FAT3: variants seen among roughly 807,000 people sequenced by gnomAD.
FAT3 encodes FAT atypical cadherin 3.
A neutral mutation model predicts 310.2 loss-of-function variants in FAT3; 95 were observed. The ratio of observed to expected loss-of-function variants is 0.31; its 90% CI spans 0.26 to 0.36. FAT3 has a LOEUF of 0.36. FAT3 is among the 10% of genes least tolerant of loss of function. FAT3 has a pLI of 1.00. For missense variants in FAT3, 5,408 were observed against 5,715.6 expected (o/e 0.95, Z 1.74); for synonymous variants, 2,314 against 2,192.9 (o/e 1.06, Z -1.54).
chr11:92,341,629 G>A (rs950557712), intron 1 of FAT3, among the ~76,000 whole-genome samples: 5 of 152,020 alleles, frequency 3.3e-5, no homozygotes, highest in Non-Finnish European at 5.9e-5. Flanking sequence ...TTAAATCCTT[G>A]GAATGCTTAT....
chr11:92,554,321 G>A (rs1223203819), intron 3 of FAT3, among the ~76,000 whole-genome samples: 1 of 151,696 alleles, frequency 6.6e-6, no homozygotes, highest in African/African-American at 2.4e-5. Context: ...AATTAGCCAG[G>A]CGTGGTGGCA....
chr11:92,853,401 G>A (rs1029799519), intron 19 of FAT3, among the ~76,000 whole-genome samples: 10 of 152,230 alleles, frequency 6.6e-5, no homozygotes, highest in Non-Finnish European at 1.3e-4. Flanking sequence ...CTCAAAGAGA[G>A]TGTCACAGCC....
intron 2 of FAT3, among the ~76,000 whole-genome samples, chr11:92,505,887 G>T (rs1284420840): frequency 6.6e-6 from 1 of 152,110 alleles, no homozygotes; most frequent in African/African-American, 2.4e-5. Flanking sequence ...GTAGGCGCTG[G>T]ACTCCATGTT....
chr11:92,275,386 C>T lies in FAT3; in HGVS notation c.-18+50212C>T, dbSNP rs184472473. On this transcript the variant is annotated intron_variant, in intron 1 of 27. Transcript: ENST00000525166. ...GGATTTCTAATGCTGCAATAAATGGCTTCAACCTTATTCAACCTTATTTTT... is the reference window on the plus strand; with the variant it reads ...GGATTTCTAATGCTGCAATAAATGGTTTCAACCTTATTCAACCTTATTTTT... 8.5e-4 allele frequency among the ~76,000 whole-genome samples: 130 copies of T among 152,170 alleles called. 1 individual carries two copies. Among genetic ancestry groups the T allele is most frequent in the African/African-American group, 3.1e-3 (128 of 41,520 alleles).
At chr11:92,616,462 AT>A (rs1940811151) in intron 3 of FAT3, among the ~76,000 whole-genome samples, 3 of 152,168 alleles carry the variant, frequency 2.0e-5, no homozygotes, top group Admixed American at 2.0e-4. Flanking sequence ...TAATTGGAGC[AT>A]TTAGCCCATT....
At chr11:92,664,013 C>T (rs998016559) in intron 3 of FAT3, among the ~76,000 whole-genome samples, 2 of 152,128 alleles carry the variant, frequency 1.3e-5, no homozygotes, top group African/African-American at 4.8e-5. Context: ...CTTGACACGA[C>T]CCACCCTCCC....
At position 92,390,018 on chromosome 11, in the gene FAT3, G is replaced by GTT. The variant is rs35267924; in HGVS notation, c.3292+34623_3292+34624dup. Among the ~76,000 whole-genome samples the GTT allele has an allele frequency of 5.4e-5, 8 of 149,226 alleles. No homozygotes were observed. In the East Asian group the frequency reaches 5.9e-4, roughly 11 times the overall value. ...CAGTGGAAGCAAAAGAAAAAAGCCTGTTTTTTTTTTAAACTTTCAAAATAG... is the reference window on the plus strand; with the variant it reads ...CAGTGGAAGCAAAAGAAAAAAGCCTGTTTTTTTTTTTTAAACTTTCAAAATAG... On this transcript the variant is annotated intron_variant, in intron 2 of 27. Coordinates refer to ENST00000525166, the MANE Select transcript of FAT3 (RefSeq NM_001367949.2).
At chr11:92,231,621 A>T (rs763343878) in intron 1 of FAT3, among the ~76,000 whole-genome samples, 3 of 152,194 alleles carry the variant, frequency 2.0e-5, no homozygotes, top group Non-Finnish European at 4.4e-5. Flanking sequence ...AGTACCATGG[A>T]AGGTCAAAAA....
intron 5 of FAT3, among the ~76,000 whole-genome samples, chr11:92,764,006 G>T (rs1302598996): frequency 6.6e-6 from 1 of 152,096 alleles, no homozygotes; most frequent in Non-Finnish European, 1.5e-5. Context: ...TTTTTTAAAT[G>T]TAATACTTGA....
chr11:92,423,342 T>G (rs1950568982), intron 2 of FAT3, among the ~76,000 whole-genome samples: 1 of 152,184 alleles, frequency 6.6e-6, no homozygotes, highest in Non-Finnish European at 1.5e-5. Context: ...ATTGCCATCA[T>G]AAAGGTCAGT....
At chr11:92,764,534 T>G (rs536805581) in intron 5 of FAT3, among the ~76,000 whole-genome samples, 1 of 152,302 alleles carries the variant, frequency 6.6e-6, no homozygotes, top group South Asian at 2.1e-4. Context: ...AGGCTTAGGA[T>G]CATGCTCTCA....
rs371295182 is a variant in FAT3, at chr11:92,883,116, C to G, written c.12660C>G (p.Asn4220Lys). The change falls in exon 24 of 28, where the codon AAC becomes AAG. Residue 4220 changes from asparagine (N) to lysine (K), a missense_variant. Physicochemically the swap from Asn to Lys is moderately conservative, Grantham distance 94. Coordinates refer to ENST00000525166, the MANE Select transcript of FAT3 (RefSeq NM_001367949.2). This position sits in a 1 kb window ranked among gnomAD's most constrained non-coding sequence, Gnocchi z 4.2. ...TGCGCGGCAGTGGGGACGGCCGCAACGTCTACCAGGAGGTGGGGCCCCCGC... is the reference window on the plus strand; with the variant it reads ...TGCGCGGCAGTGGGGACGGCCGCAAGGTCTACCAGGAGGTGGGGCCCCCGC... ...RNLRGSGDGR[N>K]VYQEVGPPQV... 1 of 1,613,798 alleles carries G rather than the reference C, an allele frequency of 6.2e-7. No individual in the cohort carries two copies. Among genetic ancestry groups the G allele is most frequent in the Non-Finnish European group, 8.5e-7 (1 of 1,179,882 alleles).
chr11:92,594,451 A>C (rs1373231716), intron 3 of FAT3, among the ~76,000 whole-genome samples: 3 of 152,196 alleles, frequency 2.0e-5, no homozygotes, highest in Non-Finnish European at 4.4e-5. Flanking sequence ...CAAAACAAAA[A>C]CAAAGAGAAG....
chr11:92,833,096 A>T (rs965187103), intron 14 of FAT3, among the ~76,000 whole-genome samples: 3 of 152,260 alleles, frequency 2.0e-5, no homozygotes, highest in African/African-American at 4.8e-5. Context: ...TGCTTCAGGC[A>T]AATAAAGGTC....
rs143965963 is a variant in FAT3 at position 92,354,623 on chromosome 11, A to T, written c.2511A>T (p.Ser837=). The T allele has an allele frequency of 4.0e-5, 64 of 1,613,856 alleles. No individual in the cohort carries two copies. The East Asian group carries it at 1.3e-3, about 33-fold the overall frequency. The change falls in exon 2 of 28, where the codon TCA becomes TCT. Residue 837 remains serine, a synonymous_variant. Coordinates refer to ENST00000525166, the MANE Select transcript of FAT3 (RefSeq NM_001367949.2). ...NSPVFIQDSY[S]VNILESSGIG... ...CAGTTTTTATTCAAGACAGTTACTC[A>T]GTTAACATTCTTGAAAGTTCAGGCA...
Position 92,867,213 on chromosome 11 carries a change from AGT to A in FAT3, c.12127+8_12127+9del. The A allele has an allele frequency of 1.3e-6, 2 of 1,561,596 alleles. No homozygotes were observed. Among genetic ancestry groups the A allele is most frequent in the Non-Finnish European group, 1.7e-6 (2 of 1,158,808 alleles). On this transcript the variant is annotated splice_donor_5th_base_variant and intron_variant, in intron 22 of 27. Coordinates refer to ENST00000525166, the MANE Select transcript of FAT3 (RefSeq NM_001367949.2). ...TGCACTGGCCTGCCATCGGGGGGTG[AGT>A]GTGGCTACGCAGTGGGCACTGGCCT...
chr11:92,262,514 G>A lies in FAT3; in HGVS notation c.-18+37340G>A, dbSNP rs540003962. On this transcript the variant is annotated intron_variant, in intron 1 of 27. Transcript: ENST00000525166. Reference sequence around the variant, plus strand: ...CAGTGATCCTTGGCCTGGTCCCTCAGGTCAGAACTCAGAAAAGAGCAGCAG... The same window carrying A: ...CAGTGATCCTTGGCCTGGTCCCTCAAGTCAGAACTCAGAAAAGAGCAGCAG... Among the ~76,000 whole-genome samples the A allele has an allele frequency of 6.1e-4, 93 of 152,142 alleles. 1 individual carries two copies. The South Asian group carries it at 0.019, about 31-fold the overall frequency.
rs185633125 is a variant in FAT3, at chr11:92,284,374, T to C, written c.-18+59200T>C. Among the ~76,000 whole-genome samples the C allele has an allele frequency of 3.0e-3, 462 of 152,184 alleles. 1 individual carries two copies. Among genetic ancestry groups the C allele is most frequent in the Non-Finnish European group, 5.4e-3 (364 of 68,004 alleles). On this transcript the variant is annotated intron_variant, in intron 1 of 27. Coordinates refer to ENST00000525166, the MANE Select transcript of FAT3 (RefSeq NM_001367949.2). ...TCAGTAAAAGGCTTGGGATCTGATA[T>C]GAGTATTGCAAAGGAGGCAGTGAAT...
chr11:92,867,423 A>G (rs943863352), intron 22 of FAT3, among the ~76,000 whole-genome samples: 4 of 152,210 alleles, frequency 2.6e-5, no homozygotes, highest in Non-Finnish European at 4.4e-5. Flanking sequence ...GCAGCTTCCC[A>G]TAGGTGCAGT....
Sources: gnomAD v4.1 joint callset for allele counts (sites outside exome capture counted in the v4.1 genomes callset) on GRCh38, gnomAD v4.1.1 for gene constraint, Gnocchi (gnomAD v3.1) non-coding constraint, MANE v1.5 for transcripts, NCBI Gene and HGNC (gene_info 2026-07-23, HGNC 2026-07-21) for gene names.